CERS3: variants seen among roughly 807,000 people sequenced by gnomAD.
CERS3 encodes ceramide synthase 3, also known as LAG1 homolog, ceramide synthase 3.
Under a neutral mutation model 50.3 loss-of-function variants are expected in CERS3, and 33 were observed. The ratio of observed to expected loss-of-function variants is 0.66; its 90% CI spans 0.50 to 0.88. The LOEUF (loss-of-function observed/expected upper bound fraction) is 0.88. Ranked by LOEUF, CERS3 falls within the 40% of genes least tolerant of loss-of-function variation. The pLI is 0.00. For synonymous variants in CERS3, 176 were observed against 155.2 expected (o/e 1.13, Z -0.99); for missense variants, 470 against 460.3 (o/e 1.02, Z -0.19).
At chr15:100,455,213 T>C (rs867067151) in intron 11 of CERS3, among the ~76,000 whole-genome samples, 14 of 151,640 alleles carry the variant, frequency 9.2e-5, no homozygotes, top group African/African-American at 3.4e-4. Context: ...AGAACTACCA[T>C]ATGACCCAGC....
intron 1 of CERS3, among the ~76,000 whole-genome samples, chr15:100,538,333 G>T (rs918887059): frequency 6.6e-6 from 1 of 152,206 alleles, no homozygotes; most frequent in Non-Finnish European, 1.5e-5. Flanking sequence ...GGAATTCTGT[G>T]TGGGGACTCT....
At chr15:100,497,304 GTA>G (rs1343141906) in intron 3 of CERS3, among the ~76,000 whole-genome samples, 10 of 125,888 alleles carry the variant, frequency 7.9e-5, no homozygotes, top group African/African-American at 1.8e-4. Context: ...GAGCATATAT[GTA>G]TGTGTGTGTG....
intron 10 of CERS3, among the ~76,000 whole-genome samples, chr15:100,463,224 C>G (rs2034606110): frequency 6.6e-6 from 1 of 151,950 alleles, no homozygotes; most frequent in South Asian, 2.1e-4. Flanking sequence ...ACCACAAGGT[C>G]AAGAGATCGA....
intron 11 of CERS3, among the ~76,000 whole-genome samples, chr15:100,415,353 T>G (rs12898428): frequency 0.57 from 86,443 of 151,536 alleles, 24,819 homozygotes; most frequent in Non-Finnish European, 0.6. Context: ...GCATTGGGAA[T>G]GCAAGTTCAA....
chr15:100,444,909 G>C (rs532511516), intron 11 of CERS3, among the ~76,000 whole-genome samples: 17 of 152,256 alleles, frequency 1.1e-4, no homozygotes, highest in African/African-American at 2.2e-4. Context: ...TCCAATAGCA[G>C]ACCGGCCTTT....
At chr15:100,509,376 G>A (rs926925356) in intron 2 of CERS3, among the ~76,000 whole-genome samples, 1 of 152,164 alleles carries the variant, frequency 6.6e-6, no homozygotes, top group Non-Finnish European at 1.5e-5. Flanking sequence ...ACAACATCTG[G>A]TAATTATTCA....
At position 100,467,837 on chromosome 15, in the gene CERS3, G is replaced by GTGTATATATATA. The variant is rs1320355108; in HGVS notation, c.845+1540_845+1541insTATATATATACA. 6.9e-3 allele frequency among the ~76,000 whole-genome samples: 391 copies of GTGTATATATATA among 56,350 alleles called. 4 individuals carry two copies. Among genetic ancestry groups the GTGTATATATATA allele is most frequent in the African/African-American group, 0.021 (377 of 17,996 alleles). 37.0% of individuals were successfully genotyped at this position (56,350 alleles called of 152,430 possible). ...TATATATATGTGTATATATATACGT[G>GTGTATATATATA]TATATATATATATATAGATAGATAG... On this transcript the variant is annotated intron_variant, in intron 10 of 11. Transcript: ENST00000679737.
intron 11 of CERS3, among the ~76,000 whole-genome samples, chr15:100,453,873 T>G (rs769078733): frequency 2.6e-5 from 4 of 151,994 alleles, no homozygotes; most frequent in Non-Finnish European, 4.4e-5. Context: ...AAGAACTCAA[T>G]AAGGGAATCC....
intron 1 of CERS3, among the ~76,000 whole-genome samples, chr15:100,538,557 A>G (rs1469307592): frequency 6.6e-6 from 1 of 152,240 alleles, no homozygotes; most frequent in Non-Finnish European, 1.5e-5. Flanking sequence ...CTCTGAAGCA[A>G]TGGCCTGGGC....
intron 11 of CERS3, among the ~76,000 whole-genome samples, chr15:100,453,378 C>T (rs140898732): frequency 5.1e-4 from 77 of 152,202 alleles, no homozygotes; most frequent in Middle Eastern, 6.8e-3. Context: ...TACATTACAT[C>T]GACAGAATGT....
chr15:100,444,468 G>A (rs1439967375), intron 11 of CERS3, among the ~76,000 whole-genome samples: 1 of 152,116 alleles, frequency 6.6e-6, no homozygotes, highest in Non-Finnish European at 1.5e-5. Flanking sequence ...TTCTCACCCT[G>A]ATCACACTTG....
intron 3 of CERS3, among the ~76,000 whole-genome samples, chr15:100,491,989 G>A (rs535586416): frequency 2.0e-5 from 3 of 151,762 alleles, no homozygotes; most frequent in South Asian, 2.1e-4. Flanking sequence ...GCCACCCGAA[G>A]TGTTGGGATT....
intron 11 of CERS3, among the ~76,000 whole-genome samples, chr15:100,444,920 A>G (rs1322511789): frequency 6.6e-6 from 1 of 152,160 alleles, no homozygotes. Context: ...ACCGGCCTTT[A>G]TTCATCAAAT....
chr15:100,435,181 A>G (rs904126064), intron 11 of CERS3, among the ~76,000 whole-genome samples: 1 of 152,230 alleles, frequency 6.6e-6, no homozygotes, highest in East Asian at 1.9e-4. Flanking sequence ...CCTCCAAAGA[A>G]CTAGTATTTT....
chr15:100,543,276 C>T (rs1021055078), intron 1 of CERS3, among the ~76,000 whole-genome samples: 1 of 152,192 alleles, frequency 6.6e-6, no homozygotes, highest in Non-Finnish European at 1.5e-5. Context: ...CACTGGTTCT[C>T]TGTTGGTTAA....
intron 1 of CERS3, among the ~76,000 whole-genome samples, chr15:100,534,730 G>A (rs1291513819): frequency 1.3e-5 from 2 of 149,152 alleles, no homozygotes; most frequent in African/African-American, 4.9e-5. Flanking sequence ...TTAGCTTAGT[G>A]ATTTTGGGGC....
chr15:100,469,955 G>T (rs992519295), intron 9 of CERS3, among the ~76,000 whole-genome samples: 2 of 151,980 alleles, frequency 1.3e-5, no homozygotes, highest in Admixed American at 1.3e-4. Flanking sequence ...GAGGGAAGAG[G>T]CAAAGTTGGG....
chr15:100,468,256 C>T (rs765180607), intron 10 of CERS3, among the ~76,000 whole-genome samples: 3 of 152,092 alleles, frequency 2.0e-5, no homozygotes, highest in Admixed American at 6.6e-5. Context: ...TCATGCCAAC[C>T]CTTATTTCCA....
At chr15:100,491,525 T>C (rs1404904137) in intron 3 of CERS3, among the ~76,000 whole-genome samples, 1 of 152,184 alleles carries the variant, frequency 6.6e-6, no homozygotes. Context: ...ACTGTCAGCC[T>C]TGGCAATTCT....
Sources: gnomAD v4.1 joint callset for allele counts (sites outside exome capture counted in the v4.1 genomes callset) on GRCh38, gnomAD v4.1.1 for gene constraint, MANE v1.5 for transcripts, NCBI Gene and HGNC (gene_info 2026-07-23, HGNC 2026-07-21) for gene names.